Variants in METTL16 observed in about 807,000 individuals in gnomAD.
METTL16 encodes the protein RNA N(6)-adenosine-methyltransferase METTL16.
Under a neutral mutation model 57.9 loss-of-function variants are expected in METTL16, and 19 were observed. The observed-to-expected ratio is 0.33, with a 90% CI of 0.23 to 0.48. METTL16 has a LOEUF of 0.48. METTL16 is among the 20% of genes least tolerant of loss of function. The pLI, the probability that METTL16 is intolerant of heterozygous loss-of-function variation, is 0.99. For missense variants in METTL16, 434 were observed against 691.5 expected, an observed-to-expected ratio of 0.63 and a Z score of 4.18; for synonymous variants, 246 against 255.6, an observed-to-expected ratio of 0.96 and a Z score of 0.36.
chr17:2,479,927 C>T (rs943671551), intron 2 of METTL16, among the ~76,000 whole-genome samples: 1 of 152,132 alleles, frequency 6.6e-6, no homozygotes, highest in Non-Finnish European at 1.5e-5. Flanking sequence ...TGGCTCACAC[C>T]TGTAATCCTA....
intron 6 of METTL16, among the ~76,000 whole-genome samples, chr17:2,448,249 G>A (rs1213582403): frequency 6.8e-6 from 1 of 147,820 alleles, no homozygotes; most frequent in Non-Finnish European, 1.5e-5. Context: ...GGTGTGCCCA[G>A]CGGCTCATTG....
intron 6 of METTL16, among the ~76,000 whole-genome samples, chr17:2,456,331 G>A (rs1208307574): frequency 6.6e-6 from 1 of 152,168 alleles, no homozygotes; most frequent in African/African-American, 2.4e-5. Context: ...GGGGTCAAAC[G>A]TAGCCATTCA....
At chr17:2,438,047 A>G in intron 8 of METTL16, 62 bp downstream of exon 8, 2 of 1,188,366 alleles carry the variant, frequency 1.7e-6, no homozygotes, top group Non-Finnish European at 2.5e-6. Context: ...CAGTTCACTT[A>G]TGATGGACTG....
At chr17:2,474,386 G>GAAAAAAA (rs752477163) in intron 3 of METTL16, among the ~76,000 whole-genome samples, 24 of 60,218 alleles carry the variant, frequency 4.0e-4, no homozygotes, top group Non-Finnish European at 6.4e-4. Context: ...GAAACAAAAA[G>GAAAAAAA]AAAAAAAAAA....
At chr17:2,484,757 G>A (rs1400935279) in intron 2 of METTL16, among the ~76,000 whole-genome samples, 1 of 152,156 alleles carries the variant, frequency 6.6e-6, no homozygotes, top group Non-Finnish European at 1.5e-5. Flanking sequence ...GCCTCCCAAA[G>A]TGCTGGGATT....
In METTL16 at chr17:2,467,821, C is replaced by G. The variant is rs1465290344; in HGVS notation, c.525G>C (p.Glu175Asp). The G allele has an allele frequency of 1.2e-6, 2 of 1,614,076 alleles. No homozygotes were observed. The highest frequency in any genetic ancestry group is 1.7e-6 in the Non-Finnish European group (2 of 1,180,042). Residue 175 changes from glutamate (E) to aspartate (D), a missense_variant, in exon 5 of 10, where the codon GAG becomes GAC. By Grantham distance (45) the Glu-to-Asp change is conservative. Around this residue, in one of 5 missense-constraint regions of METTL16, gnomAD observed 118 missense variants for 280.0 expected, o/e 0.42. Coordinates refer to ENST00000263092, the MANE Select transcript of METTL16 (RefSeq NM_024086.4). ...LLMDALKEESEIIYDFCMCNP... is the reference protein window; with the variant it reads ...LLMDALKEESDIIYDFCMCNP... ...TGCACATGCAAAAGTCATAGATTAT[C>G]TCAGATTCTTCTTTAAGAGCATCCA...
intron 8 of METTL16, chr17:2,436,604 C>T (rs2066910715): frequency 6.6e-6 from 1 of 152,428 alleles, no homozygotes; most frequent in Non-Finnish European, 1.5e-5. Flanking sequence ...CAGAACAAGC[C>T]CACTGTAGGC....
At chr17:2,488,914 A>C (rs1315936586) in intron 2 of METTL16, among the ~76,000 whole-genome samples, 1 of 152,212 alleles carries the variant, frequency 6.6e-6, no homozygotes, top group African/African-American at 2.4e-5. Context: ...CTGATACAGA[A>C]GACTTATTGA....
chr17:2,462,580 CA>C (rs916031919), intron 6 of METTL16, among the ~76,000 whole-genome samples: 2 of 152,096 alleles, frequency 1.3e-5, no homozygotes, highest in African/African-American at 4.8e-5. Flanking sequence ...GTTCTGGTGA[CA>C]GTGAGTGAGA....
At chr17:2,440,304 A>G (rs2066938982) in intron 7 of METTL16, among the ~76,000 whole-genome samples, 1 of 151,542 alleles carries the variant, frequency 6.6e-6, no homozygotes, top group South Asian at 2.1e-4. Flanking sequence ...GCTGGAGTGC[A>G]GTGGCACGAT....
At position 2,467,676 on chromosome 17, in the gene METTL16, T is replaced by C. The variant is rs541700699; in HGVS notation, c.585+85A>G. ...CTCCTGACTTCATGATTCACCCGCC[T>C]TGGCCTCCCAAAGTGCAGGGATTAC... On this transcript the variant is annotated intron_variant, in intron 5 of 9. Transcript: ENST00000263092. 333 of 957,754 alleles carry C rather than the reference T, an allele frequency of 3.5e-4. 2 individuals carry two copies. The African/African-American group carries it at 5.0e-3, about 14-fold the overall frequency. 59.3% of individuals were successfully genotyped at this position (957,754 alleles called of 1,614,324 possible).
intron 8 of METTL16, among the ~76,000 whole-genome samples, chr17:2,432,968 A>C (rs1307054092): frequency 6.6e-6 from 1 of 152,210 alleles, no homozygotes; most frequent in Non-Finnish European, 1.5e-5. Context: ...ACCAGCTCAC[A>C]AAAGGCCTTT....
Position 2,464,221 on chromosome 17 carries a change from T to C in METTL16, c.715A>G (p.Lys239Glu), listed in dbSNP as rs1355857810. 5 of 1,610,766 alleles carry C rather than the reference T, an allele frequency of 3.1e-6. No individual in the cohort carries two copies. Among genetic ancestry groups the C allele is most frequent in the Non-Finnish European group, 4.2e-6 (5 of 1,179,092 alleles). Reference protein sequence around the residue: ...KRIIHDSLQLKKRLRWYSCML... With the variant: ...KRIIHDSLQLEKRLRWYSCML... ...AAACAGACTTACCTTAATCTTTTTT[T>C]AAGTTGTAGACTGTCATGGATGATC... Residue 239 changes from lysine (K) to glutamate (E), a missense_variant, in exon 6 of 10, where the codon AAA becomes GAA. Lys to Glu is a moderately conservative substitution (Grantham distance 56). Coordinates refer to ENST00000263092, the MANE Select transcript of METTL16 (RefSeq NM_024086.4).
intron 1 of METTL16, among the ~76,000 whole-genome samples, chr17:2,510,494 T>C (rs576419342): frequency 2.6e-5 from 4 of 152,298 alleles, no homozygotes; most frequent in Non-Finnish European, 4.4e-5. Flanking sequence ...ACAAATTAAA[T>C]TACAGACATG....
intron 8 of METTL16, among the ~76,000 whole-genome samples, chr17:2,430,020 G>T (rs576913548): frequency 0.06 from 8,931 of 148,684 alleles, 490 homozygotes; most frequent in Non-Finnish European, 0.094. Context: ...CACCATGTTG[G>T]CCAGGCTAGT....
chr17:2,428,670 G>A (rs868311177), intron 8 of METTL16, among the ~76,000 whole-genome samples: 2 of 140,344 alleles, frequency 1.4e-5, no homozygotes, highest in Non-Finnish European at 1.5e-5. Flanking sequence ...GCAGAAGCAG[G>A]AGGATCACTT....
intron 2 of METTL16, among the ~76,000 whole-genome samples, chr17:2,479,283 C>T (rs1395163625): frequency 6.6e-6 from 1 of 150,526 alleles, no homozygotes; most frequent in Non-Finnish European, 1.5e-5. Flanking sequence ...CCTCCTGCCT[C>T]GGCCCCACAA....
rs1478407162 is a variant in METTL16, at chr17:2,420,242, C to A, written c.1417G>T (p.Gly473Trp). 3.7e-6 allele frequency: 6 copies of A among 1,614,098 alleles called. No homozygotes were observed. In the South Asian group the frequency reaches 5.5e-5, roughly 15 times the overall value. The change falls in exon 10 of 10, where the codon GGG (glycine) becomes TGG (tryptophan). Residue 473 changes from glycine (G) to tryptophan (W), a missense_variant. This residue lies in a region of METTL16 where 168 missense variants were observed against 149.6 expected (regional missense o/e 1.12). Coordinates refer to ENST00000263092, the MANE Select transcript of METTL16 (RefSeq NM_024086.4). This position sits in a 1 kb window ranked among gnomAD's most constrained non-coding sequence, Gnocchi z 5.4. ...TGACAACTTTCCAAAACCTCCACCC[C>A]TCCCTTTTCCTCACTCCTTTCATCC... ...TEDERSEEKG[G>W]VEVLESCQGS...
Position 2,502,223 on chromosome 17 carries a change from T to G in METTL16, c.109A>C (p.Asn37His). ...YPDFKQHVQI[N>H]LNGRVSLNFK... ...ACCTACCTCACTCTTCCATTCAGATTTATCTGAACATGCTGCTTAAAATCT... is the reference window on the plus strand; with the variant it reads ...ACCTACCTCACTCTTCCATTCAGATGTATCTGAACATGCTGCTTAAAATCT... Residue 37 changes from asparagine (N) to histidine (H), a missense_variant, in exon 2 of 10, where the codon AAT becomes CAT. This residue lies in a region of METTL16 where 118 missense variants were observed against 280.0 expected (regional missense o/e 0.42). Coordinates refer to ENST00000263092, the MANE Select transcript of METTL16 (RefSeq NM_024086.4). 1 of 1,613,642 alleles carries G rather than the reference T, an allele frequency of 6.2e-7. No individual in the cohort carries two copies. Among genetic ancestry groups the G allele is most frequent in the Non-Finnish European group, 8.5e-7 (1 of 1,179,798 alleles).
Sources: gnomAD v4.1 joint callset for allele counts (sites outside exome capture counted in the v4.1 genomes callset) on GRCh38, gnomAD v4.1.1 for gene constraint, gnomAD v4.1.1 regional missense constraint, Gnocchi (gnomAD v3.1) non-coding constraint, MANE v1.5 for transcripts, NCBI Gene and HGNC (gene_info 2026-07-23, HGNC 2026-07-21) for gene names.